NTRK2: variants seen among roughly 807,000 people sequenced by gnomAD.
NTRK2 encodes the protein BDNF/NT-3 growth factors receptor.
Under a neutral mutation model 94.5 loss-of-function variants are expected in NTRK2, and 13 were observed. The observed-to-expected ratio is 0.14, with a 90% CI of 0.09 to 0.22. The LOEUF (loss-of-function observed/expected upper bound fraction) is 0.22. NTRK2 is among the 10% of genes least tolerant of loss of function. The probability of loss-of-function intolerance (pLI) is 1.00; values close to 1 mark genes in which losing one functional copy is unlikely to be tolerated. For synonymous variants in NTRK2, 372 were observed against 407.4 expected (o/e 0.91, Z 1.05); for missense variants, 639 against 1,071.2 (o/e 0.60, Z 5.63).
chr9:84,875,676 T>C (rs201573480), intron 14 of NTRK2: 224 of 1,054,064 alleles, frequency 2.1e-4, no homozygotes, highest in Non-Finnish European at 2.5e-4. Context: ...GGACCTCTGA[T>C]AGCTGGAGTC....
At chr9:84,871,966 C>A in intron 14 of NTRK2, 1 of 1,577,994 alleles carries the variant, frequency 6.3e-7, no homozygotes, top group Non-Finnish European at 8.6e-7. Context: ...CATAACCTAG[C>A]CAAGCAAGAA....
chr9:84,902,533 A>G (rs2076961629), intron 14 of NTRK2, among the ~76,000 whole-genome samples: 1 of 152,226 alleles, frequency 6.6e-6, no homozygotes, highest in African/African-American at 2.4e-5. Flanking sequence ...GTAAATAATG[A>G]GTATACACTG....
At chr9:84,815,151 A>G in intron 12 of NTRK2, 1 of 1,057,274 alleles carries the variant, frequency 9.5e-7, no homozygotes, top group Non-Finnish European at 1.1e-6. Context: ...CTTCAGAGAC[A>G]AAAGAACGTC....
Position 84,962,802 on chromosome 9 carries a change from G to A in NTRK2, c.2172+7285G>A, listed in dbSNP as rs115898444. 3.9e-3 allele frequency among the ~76,000 whole-genome samples: 591 copies of A among 152,306 alleles called. 5 individuals are homozygous for A. Among genetic ancestry groups the A allele is most frequent in the African/African-American group, 0.013 (552 of 41,552 alleles). ...AGCTGGCAACAAAGAGTTAGCTGGG[G>A]TACAGAGGGAAGAGCATCCAATTTG... is the stretch of plus-strand genomic sequence containing the variant. On this transcript the variant is annotated intron_variant, in intron 17 of 18. Transcript: ENST00000277120.
At chr9:84,877,541 C>G in intron 14 of NTRK2, 1 of 1,066,588 alleles carries the variant, frequency 9.4e-7, no homozygotes, top group Non-Finnish European at 1.1e-6. Flanking sequence ...CCCCTCCTAC[C>G]AGGGCACTTC....
At position 84,841,679 on chromosome 9, in the gene NTRK2, C is replaced by A. The variant is rs528817876; in HGVS notation, c.1397-19361C>A. Among the ~76,000 whole-genome samples, 4 of 152,328 alleles carry A rather than the reference C, an allele frequency of 2.6e-5. No homozygotes were observed. The East Asian group carries it at 7.7e-4, about 29-fold the overall frequency. ...AATTGCAGCCCTTATACCTGCTAGA[C>A]TGTCCCGGTCCCTCCTCCCACCTTA... On this transcript the variant is annotated intron_variant, in intron 12 of 18. Transcript: ENST00000277120.
At chr9:84,832,035 CAT>C (rs1564364435) in intron 12 of NTRK2, among the ~76,000 whole-genome samples, 1 of 152,172 alleles carries the variant, frequency 6.6e-6, no homozygotes, top group African/African-American at 2.4e-5. Flanking sequence ...GCCTAAAAAA[CAT>C]AGTTGTTTTC....
intron 17 of NTRK2, among the ~76,000 whole-genome samples, chr9:84,994,895 C>T (rs1278329096): frequency 6.6e-6 from 1 of 152,112 alleles, no homozygotes; most frequent in African/African-American, 2.4e-5. Context: ...TAAATTAGAC[C>T]CAGACAAGTC....
At chr9:85,013,179 A>G (rs1831821360) in intron 17 of NTRK2, among the ~76,000 whole-genome samples, 1 of 152,182 alleles carries the variant, frequency 6.6e-6, no homozygotes, top group Non-Finnish European at 1.5e-5. Context: ...CCCTGATTGA[A>G]TAGCTACGTG....
chr9:84,928,899 A>G (rs1005582150), intron 14 of NTRK2, among the ~76,000 whole-genome samples: 2 of 152,216 alleles, frequency 1.3e-5, no homozygotes, highest in South Asian at 2.1e-4. Context: ...TTTTAACTGC[A>G]GGTTGCTTTA....
intron 12 of NTRK2, among the ~76,000 whole-genome samples, chr9:84,850,860 G>A (rs2074731540): frequency 6.6e-6 from 1 of 152,210 alleles, no homozygotes; most frequent in African/African-American, 2.4e-5. Context: ...GGGGCTGGCA[G>A]CCAGGTCACT....
At chr9:84,723,780 C>T in intron 7 of NTRK2, 71 bp downstream of exon 7, 1 of 1,575,726 alleles carries the variant, frequency 6.3e-7, no homozygotes, top group Non-Finnish European at 8.7e-7. Flanking sequence ...TGTATTAAAC[C>T]TAGTGATGAT....
intron 15 of NTRK2, among the ~76,000 whole-genome samples, chr9:84,946,245 C>T (rs2132857012): frequency 6.6e-6 from 1 of 152,360 alleles, no homozygotes; most frequent in African/African-American, 2.4e-5. Flanking sequence ...ATTCACAACT[C>T]ACGTGCCACT....
At chr9:84,709,096 T>C (rs888597180) in intron 5 of NTRK2, among the ~76,000 whole-genome samples, 1 of 152,240 alleles carries the variant, frequency 6.6e-6, no homozygotes, top group African/African-American at 2.4e-5. Context: ...ATCAAAATGA[T>C]ATGGCACAGG....
At chr9:84,935,826 C>G (rs1186363364) in intron 15 of NTRK2, among the ~76,000 whole-genome samples, 2 of 152,202 alleles carry the variant, frequency 1.3e-5, no homozygotes, top group African/African-American at 2.4e-5. Context: ...AGTGTTAAAT[C>G]TGCAGTCTCT....
chr9:84,944,215 T>TCTCA lies in NTRK2; in HGVS notation c.1765-4246_1765-4245insTCAC, dbSNP rs1440338055. Among the ~76,000 whole-genome samples the TCTCA allele has an allele frequency of 5.5e-3, 656 of 120,328 alleles. 9 individuals carry two copies. Among genetic ancestry groups the TCTCA allele is most frequent in the Admixed American group, 0.031 (356 of 11,558 alleles). The allele number at this position is 120,328 out of a possible 152,430, so 78.9% of individuals were successfully genotyped here. ...TGTTCTCTCTCTCTCTCTCTCTCTC[T>TCTCA]CACACACACACACACACACACACAC... On this transcript the variant is annotated intron_variant, in intron 15 of 18. Transcript: ENST00000277120.
At chr9:85,021,227 C>T (rs964428532) in intron 18 of NTRK2, 25 bp from the exon 19 acceptor site, 8 of 1,609,448 alleles carry the variant, frequency 5.0e-6, no homozygotes, top group African/African-American at 1.3e-5. Flanking sequence ...CCTCCTGTCT[C>T]ATCCTATCTT....
At chr9:84,744,865 T>A in intron 10 of NTRK2, 108 bp from the exon 11 acceptor site, 1 of 850,296 alleles carries the variant, frequency 1.2e-6, no homozygotes, top group South Asian at 1.3e-5. Context: ...GGGTTTGGAA[T>A]CTTTGTGATT....
intron 14 of NTRK2, among the ~76,000 whole-genome samples, chr9:84,928,746 G>C (rs2077912207): frequency 1.3e-5 from 2 of 152,196 alleles, no homozygotes; most frequent in African/African-American, 4.8e-5. Context: ...AGTCCTGGGA[G>C]ATGGAACTGC....
Sources: allele counts gnomAD v4.1 joint callset (sites outside exome capture counted in the v4.1 genomes callset), GRCh38; gene constraint gnomAD v4.1.1; transcripts MANE v1.5; gene names NCBI Gene and HGNC (gene_info 2026-07-23, HGNC 2026-07-21).